ZNF804B: variants seen among roughly 807,000 people sequenced by gnomAD.
ZNF804B encodes zinc finger 804B.
ZNF804B carries 80 observed loss-of-function variants against 101.4 expected under a neutral mutation model. The observed-to-expected ratio is 0.79, with a 90% CI of 0.66 to 0.95. The LOEUF (loss-of-function observed/expected upper bound fraction) is 0.95, where lower values mean the gene tolerates loss of function less well. ZNF804B is among the 40% of genes least tolerant of loss of function. The pLI, the probability that ZNF804B is intolerant of heterozygous loss-of-function variation, is 0.00. For synonymous variants in ZNF804B, 622 were observed against 558.8 expected, an observed-to-expected ratio of 1.11 and a Z score of -1.59; for missense variants, 1,673 against 1,561.9, an observed-to-expected ratio of 1.07 and a Z score of -1.20.
Position 88,999,014 on chromosome 7 carries a change from G to A in ZNF804B, c.109-219141G>A, listed in dbSNP as rs377110615. 1.1e-3 allele frequency among the ~76,000 whole-genome samples: 172 copies of A among 152,132 alleles called. 3 individuals carry two copies. The South Asian group carries it at 0.034, about 30-fold the overall frequency. ...CTCCTGAAACAATCATTTCCTATTA[G>A]CATTTTAGTCATAAGTTTACTTCAC... On this transcript the variant is annotated intron_variant, in intron 1 of 3. Transcript: ENST00000333190.
intron 1 of ZNF804B, among the ~76,000 whole-genome samples, chr7:89,046,788 T>TCCAAC (rs1342016620): frequency 2.0e-5 from 3 of 152,040 alleles, no homozygotes; most frequent in African/African-American, 2.4e-5. Context: ...ACCCTATTAC[T>TCCAAC]TATCATTTTT....
intron 1 of ZNF804B, among the ~76,000 whole-genome samples, chr7:89,082,857 A>G (rs888108311): frequency 2.6e-5 from 4 of 151,820 alleles, no homozygotes; most frequent in Non-Finnish European, 5.9e-5. Flanking sequence ...AAAGGAAATG[A>G]GTGACCTAAA....
In ZNF804B at chr7:89,335,372, C is replaced by G; in HGVS notation, c.2390C>G (p.Ser797Ter). ...GAATCATTTAAAAATGAAAAATACT[C>G]AAAACGTAGATATTGTCACTGCAGA... ...LWESFKNEKY[S>*]KRRYCHCRER... The change falls in exon 4 of 4, where the codon TCA (serine) becomes TGA (stop). Residue 797 changes from serine to a stop codon, truncating the protein, a stop_gained. Coordinates refer to ENST00000333190, the MANE Select transcript of ZNF804B (RefSeq NM_181646.5). LOFTEE classifies it high-confidence loss of function. 6.2e-7 allele frequency: 1 copy of G among 1,613,664 alleles called. No individual in the cohort carries two copies. The highest frequency in any genetic ancestry group is 8.5e-7 in the Non-Finnish European group (1 of 1,179,912).
intron 1 of ZNF804B, among the ~76,000 whole-genome samples, chr7:89,121,715 A>G (rs1030115990): frequency 6.6e-6 from 1 of 152,230 alleles, no homozygotes; most frequent in Non-Finnish European, 1.5e-5. Flanking sequence ...ACCCAGAGGT[A>G]TAGAATTAAA....
chr7:89,046,816 A>T (rs1001766187), intron 1 of ZNF804B, among the ~76,000 whole-genome samples: 1 of 151,896 alleles, frequency 6.6e-6, no homozygotes, highest in African/African-American at 2.4e-5. Flanking sequence ...ATCCCTAGAG[A>T]GTGATTCTGA....
intron 1 of ZNF804B, among the ~76,000 whole-genome samples, chr7:88,830,963 T>C (rs1273000408): frequency 2.0e-5 from 3 of 152,004 alleles, no homozygotes; most frequent in Admixed American, 2.0e-4. Context: ...ATTAGGAATA[T>C]CAGCTCTTTA....
chr7:89,304,740 T>C (rs1663715968), intron 2 of ZNF804B, among the ~76,000 whole-genome samples: 1 of 151,908 alleles, frequency 6.6e-6, no homozygotes, highest in African/African-American at 2.4e-5. Flanking sequence ...TCCCAGAGAC[T>C]TAGCAGCTAA....
chr7:88,766,379 A>C (rs1216306350), intron 1 of ZNF804B, among the ~76,000 whole-genome samples: 3 of 152,216 alleles, frequency 2.0e-5, no homozygotes, highest in Non-Finnish European at 4.4e-5. Context: ...TAATGATATT[A>C]ATTTTCCTGA....
chr7:88,930,722 C>T (rs1792870416), intron 1 of ZNF804B, among the ~76,000 whole-genome samples: 1 of 151,718 alleles, frequency 6.6e-6, no homozygotes, highest in African/African-American at 2.4e-5. Flanking sequence ...TTCAAGACAG[C>T]GTTCACCAGG....
At chr7:89,054,680 C>T (rs1789263870) in intron 1 of ZNF804B, among the ~76,000 whole-genome samples, 2 of 151,956 alleles carry the variant, frequency 1.3e-5, no homozygotes. Flanking sequence ...AGTCTTTCAA[C>T]TGACATATTT....
chr7:89,168,637 T>C (rs561052544), intron 1 of ZNF804B, among the ~76,000 whole-genome samples: 1 of 151,892 alleles, frequency 6.6e-6, no homozygotes, highest in Non-Finnish European at 1.5e-5. Context: ...AGCTAACCAT[T>C]TTAACTTAAG....
At chr7:88,794,216 A>T (rs771431580) in intron 1 of ZNF804B, 1 of 1,612,728 alleles carries the variant, frequency 6.2e-7, no homozygotes, top group Admixed American at 1.7e-5. Flanking sequence ...ACCACCTCAG[A>T]ATCCAGAGTG....
At chr7:89,100,416 G>A (rs371906240) in intron 1 of ZNF804B, among the ~76,000 whole-genome samples, 3 of 152,224 alleles carry the variant, frequency 2.0e-5, no homozygotes, top group African/African-American at 7.2e-5. Context: ...AAGATTTCTT[G>A]AGTACTACCC....
At chr7:89,149,528 T>C (rs1046141904) in intron 1 of ZNF804B, among the ~76,000 whole-genome samples, 1 of 152,112 alleles carries the variant, frequency 6.6e-6, no homozygotes, top group Non-Finnish European at 1.5e-5. Context: ...AGTGAATTAA[T>C]ATGCACAGGC....
At position 88,907,617 on chromosome 7, in the gene ZNF804B, GACTA is replaced by G. The variant is rs371500177; in HGVS notation, c.108+147539_108+147542del. The stretch of plus-strand genomic sequence containing the variant: ...TTGTAGATGATGAAACTGAAGCACG[GACTA>G]ACTAAGTAGCCCAAAGTTTGGGGCC... On this transcript the variant is annotated intron_variant, in intron 1 of 3. Coordinates refer to ENST00000333190, the MANE Select transcript of ZNF804B (RefSeq NM_181646.5). Among the ~76,000 whole-genome samples, 558 of 151,982 alleles carry G rather than the reference GACTA, an allele frequency of 3.7e-3. 2 individuals are homozygous for G. Among genetic ancestry groups the G allele is most frequent in the African/African-American group, 0.013 (535 of 41,520 alleles).
intron 1 of ZNF804B, among the ~76,000 whole-genome samples, chr7:88,845,996 A>AT (rs1791367763): frequency 6.6e-6 from 1 of 152,216 alleles, no homozygotes; most frequent in African/African-American, 2.4e-5. Flanking sequence ...TAGAAGTCTG[A>AT]GATCTTATTT....
At chr7:88,782,098 AGTGCGTGTGT>A (rs1304511029) in intron 1 of ZNF804B, among the ~76,000 whole-genome samples, 1 of 132,104 alleles carries the variant, frequency 7.6e-6, no homozygotes, top group Non-Finnish European at 1.6e-5. Flanking sequence ...CTTTTGTGTG[AGTGCGTGTGT>A]GTGTGTGTGT....
rs10714696 is a variant in ZNF804B, at chr7:89,186,611, C to CTT, written c.109-31534_109-31533dup. ...GTATTTGCATTGCTTTTAAGTGTTA[C>CTT]TTTTTTTTTTTACAATCTTCTTTTG... On this transcript the variant is annotated intron_variant, in intron 1 of 3. Transcript: ENST00000333190. 2.7e-5 allele frequency among the ~76,000 whole-genome samples: 4 copies of CTT among 149,440 alleles called. No individual in the cohort carries two copies. The East Asian group carries it at 7.9e-4, about 30-fold the overall frequency.
intron 2 of ZNF804B, among the ~76,000 whole-genome samples, chr7:89,229,000 G>A (rs947666762): frequency 1.3e-5 from 2 of 151,766 alleles, no homozygotes; most frequent in Non-Finnish European, 2.9e-5. Flanking sequence ...CAGTGCCGGC[G>A]GGGCCGGCCG....
Sources: gnomAD v4.1 joint callset for allele counts (sites outside exome capture counted in the v4.1 genomes callset) on GRCh38, gnomAD v4.1.1 for gene constraint, MANE v1.5 for transcripts, NCBI Gene and HGNC (gene_info 2026-07-23, HGNC 2026-07-21) for gene names.